Variants in TENM2 observed in about 807,000 individuals in gnomAD.
TENM2 encodes the protein teneurin transmembrane protein 2.
A neutral mutation model predicts 245.2 loss-of-function variants in TENM2; 52 were observed. The observed-to-expected ratio is 0.21, with a 90% CI of 0.17 to 0.27. The LOEUF (loss-of-function observed/expected upper bound fraction) is 0.27, where lower values mean the gene tolerates loss of function less well. TENM2 is among the 10% of genes least tolerant of loss of function. The probability of loss-of-function intolerance (pLI) is 1.00; values close to 1 mark genes in which losing one functional copy is unlikely to be tolerated. For missense variants in TENM2, 3,046 were observed against 3,666.8 expected (o/e 0.83, Z 4.37); for synonymous variants, 1,363 against 1,438.9 (o/e 0.95, Z 1.19).
chr5:168,087,416 T>G (rs1792551738), intron 7 of TENM2: 1 of 152,240 alleles, frequency 6.6e-6, no homozygotes, highest in South Asian at 2.1e-4. Flanking sequence ...GAGACCAGTC[T>G]GGCCAACATA....
chr5:167,989,294 G>GAT lies in TENM2; in HGVS notation c.948-3649_948-3648insTA, dbSNP rs1190067603. 5.1e-4 allele frequency among the ~76,000 whole-genome samples: 77 copies of GAT among 151,216 alleles called. 1 individual carries two copies. The East Asian group carries it at 0.014, about 27-fold the overall frequency. On this transcript the variant is annotated intron_variant, in intron 4 of 28. Coordinates refer to ENST00000518659, the Ensembl canonical transcript of TENM2. Reference sequence around the variant, plus strand: ...AGAGAGAGAGAGAGAGAGAGAGAGAGAGAGAGATAGATAGATTTGTGAGTG... The same window carrying GAT: ...AGAGAGAGAGAGAGAGAGAGAGAGAGATAGAGAGATAGATAGATTTGTGAGTG...
chr5:167,706,415 G>A (rs918258567), intron 2 of TENM2, among the ~76,000 whole-genome samples: 1 of 149,266 alleles, frequency 6.7e-6, no homozygotes, highest in African/African-American at 2.4e-5. Context: ...ATAAGAAAAT[G>A]TGACACTGTA....
At chr5:167,187,942 G>GGTACCCAAAT in the TENM2 span, among the ~76,000 whole-genome samples, 1 of 152,124 alleles carries the variant, frequency 6.6e-6, no homozygotes, top group Non-Finnish European at 1.5e-5. Context: ...CCTGGCAGAG[G>GGTACCCAAAT]CTGTTGTGTT....
chr5:167,767,105 C>T (rs1309703949), intron 2 of TENM2, among the ~76,000 whole-genome samples: 1 of 152,172 alleles, frequency 6.6e-6, no homozygotes, highest in Non-Finnish European at 1.5e-5. Flanking sequence ...CACCCATGTT[C>T]ATAGCAGCTT....
At chr5:167,139,128 T>C in the TENM2 span, among the ~76,000 whole-genome samples, 27 of 152,338 alleles carry the variant, frequency 1.8e-4, no homozygotes, top group Admixed American at 1.5e-3. Flanking sequence ...TGCCACATCA[T>C]TGAAGTAATA....
At chr5:167,633,249 C>T (rs376810656) in intron 2 of TENM2, among the ~76,000 whole-genome samples, 4 of 152,130 alleles carry the variant, frequency 2.6e-5, no homozygotes, top group Admixed American at 2.6e-4. Flanking sequence ...CTCAGAGGCA[C>T]ATAGATTTAT....
At chr5:167,076,325 A>G in the TENM2 span, among the ~76,000 whole-genome samples, 1 of 152,140 alleles carries the variant, frequency 6.6e-6, no homozygotes, top group South Asian at 2.1e-4. Flanking sequence ...TCTGTTTCTC[A>G]TTGTTTAAAA....
At chr5:167,947,280 T>C (rs1339890160) in intron 3 of TENM2, among the ~76,000 whole-genome samples, 1 of 152,222 alleles carries the variant, frequency 6.6e-6, no homozygotes, top group African/African-American at 2.4e-5. Context: ...TTATATCAAA[T>C]AGTAATAATC....
intron 2 of TENM2, among the ~76,000 whole-genome samples, chr5:167,603,163 T>A (rs1417449732): frequency 1.3e-5 from 2 of 152,144 alleles, no homozygotes; most frequent in African/African-American, 4.8e-5. Flanking sequence ...ACCTGGAATG[T>A]CATTTGTTCT....
chr5:167,462,631 G>C (rs1766388987), intron 2 of TENM2, among the ~76,000 whole-genome samples: 1 of 152,120 alleles, frequency 6.6e-6, no homozygotes, highest in East Asian at 2.0e-4. Context: ...TTCTCCAACT[G>C]TCCCCAGCAG....
chr5:167,177,636 T>G, the TENM2 span, among the ~76,000 whole-genome samples: 2 of 152,162 alleles, frequency 1.3e-5, no homozygotes, highest in African/African-American at 4.8e-5. Flanking sequence ...AAAGTTCAAT[T>G]CGAATCAGAG....
At chr5:168,089,996 C>A (rs1332376513) in intron 7 of TENM2, among the ~76,000 whole-genome samples, 2 of 152,082 alleles carry the variant, frequency 1.3e-5, no homozygotes, top group African/African-American at 2.4e-5. Flanking sequence ...GGCTCCATAG[C>A]CCTCATCATA....
chr5:167,760,305 C>A (rs1014748126), intron 2 of TENM2, among the ~76,000 whole-genome samples: 27 of 152,306 alleles, frequency 1.8e-4, no homozygotes, highest in Non-Finnish European at 3.8e-4. Context: ...GTCATCCCAT[C>A]TTTTGTTGTT....
intron 2 of TENM2, among the ~76,000 whole-genome samples, chr5:167,797,330 A>G (rs1313271636): frequency 6.6e-6 from 1 of 152,154 alleles, no homozygotes; most frequent in Non-Finnish European, 1.5e-5. Context: ...CCTTGCATTA[A>G]CTAGGACCCA....
At chr5:167,476,100 A>G (rs146219395) in intron 2 of TENM2, among the ~76,000 whole-genome samples, 24 of 152,358 alleles carry the variant, frequency 1.6e-4, no homozygotes, top group Non-Finnish European at 3.5e-4. Flanking sequence ...TCGTTGAAGT[A>G]TATGAAGAAA....
At chr5:167,731,114 T>C (rs1192017873) in intron 2 of TENM2, among the ~76,000 whole-genome samples, 2 of 151,902 alleles carry the variant, frequency 1.3e-5, no homozygotes, top group Non-Finnish European at 2.9e-5. Flanking sequence ...CCTTGAAAGA[T>C]GCAAATAATC....
intron 2 of TENM2, among the ~76,000 whole-genome samples, chr5:167,742,756 G>A (rs545140543): frequency 4.2e-4 from 63 of 151,316 alleles, no homozygotes; most frequent in Admixed American, 7.9e-4. Context: ...TTTGAGACCA[G>A]CCTGGGCAAC....
At chr5:167,219,186 G>T in the TENM2 span, among the ~76,000 whole-genome samples, 1 of 152,086 alleles carries the variant, frequency 6.6e-6, no homozygotes, top group African/African-American at 2.4e-5. Context: ...TGTAATCCTA[G>T]CGTTTTGGAA....
At chr5:167,043,843 G>A in the TENM2 span, among the ~76,000 whole-genome samples, 3 of 152,106 alleles carry the variant, frequency 2.0e-5, no homozygotes, top group Admixed American at 6.5e-5. Flanking sequence ...CCAACATGGT[G>A]AAACCGTCTC....
Sources: gnomAD v4.1 joint callset for allele counts (sites outside exome capture counted in the v4.1 genomes callset) on GRCh38, gnomAD v4.1.1 for gene constraint, MANE v1.5 for transcripts, NCBI Gene and HGNC (gene_info 2026-07-23, HGNC 2026-07-21) for gene names.